CNTNAP3B: variants seen among roughly 807,000 people sequenced by gnomAD.
CNTNAP3B encodes the protein contactin associated protein family member 3B, also known as contactin-associated protein-like 3B.
A neutral mutation model predicts 108.9 loss-of-function variants in CNTNAP3B; 25 were observed. The ratio of observed to expected loss-of-function variants is 0.23; its 90% CI spans 0.17 to 0.32. The LOEUF (loss-of-function observed/expected upper bound fraction) is 0.32, where lower values mean the gene tolerates loss of function less well. Ranked by LOEUF, CNTNAP3B falls within the 10% of genes least tolerant of loss-of-function variation. The pLI is 1.00. For synonymous variants in CNTNAP3B, 103 were observed against 473.4 expected, an observed-to-expected ratio of 0.22 and a Z score of 10.16; for missense variants, 252 against 1,210.4, an observed-to-expected ratio of 0.21 and a Z score of 11.75.
chr9:42,129,179 C>T lies in CNTNAP3B; in HGVS notation c.-85G>A, dbSNP rs1402803051. On this transcript the variant is annotated 5_prime_UTR_variant, in exon 1 of 24. Transcript: ENST00000377561. ...CTGCTCTCACTCCCGCTCTCACTCC[C>T]GTCCCCTGCGCGGCTCCGACGCTGC... The T allele has an allele frequency of 5.4e-6, 8 of 1,476,022 alleles. No individual in the cohort carries two copies. In the African/African-American group the frequency reaches 6.5e-5, roughly 12 times the overall value. 91.4% of individuals were successfully genotyped at this position (1,476,022 alleles called of 1,614,324 possible).
chr9:41,973,775 GA>G (rs1187791261), intron 9 of CNTNAP3B, among the ~76,000 whole-genome samples: 7 of 136,954 alleles, frequency 5.1e-5, no homozygotes, highest in East Asian at 2.2e-4. Flanking sequence ...TCACAGACCA[GA>G]AAAAAAAGAA....
chr9:41,916,491 TG>T (rs1394061051), intron 18 of CNTNAP3B, among the ~76,000 whole-genome samples: 1 of 152,218 alleles, frequency 6.6e-6, no homozygotes, highest in Non-Finnish European at 1.5e-5. Flanking sequence ...GAACGTTCTT[TG>T]TTATTTCCTC....
intron 3 of CNTNAP3B, among the ~76,000 whole-genome samples, chr9:42,037,524 G>A (rs1826657577): frequency 7.8e-6 from 1 of 127,992 alleles, no homozygotes; most frequent in Non-Finnish European, 1.6e-5. Context: ...GGAAGAAAGG[G>A]TATCAGTGAC....
chr9:41,940,769 T>C (rs1824316892), intron 13 of CNTNAP3B, among the ~76,000 whole-genome samples: 1 of 152,044 alleles, frequency 6.6e-6, no homozygotes, highest in Non-Finnish European at 1.5e-5. Context: ...GAGCCGAGAT[T>C]GTGCCACTGC....
intron 14 of CNTNAP3B, among the ~76,000 whole-genome samples, chr9:41,932,359 G>A (rs1256924683): frequency 2.6e-5 from 4 of 151,910 alleles, no homozygotes; most frequent in Non-Finnish European, 5.9e-5. Flanking sequence ...CTACGGTTCT[G>A]GAAATTGTAC....
chr9:42,019,543 G>A (rs1826269891), intron 3 of CNTNAP3B, among the ~76,000 whole-genome samples: 1 of 77,556 alleles, frequency 1.3e-5, no homozygotes, highest in African/African-American at 5.2e-5. Flanking sequence ...CCTGAGGTCA[G>A]GAATTTGAGA....
rs1368020619 is a variant in CNTNAP3B at position 42,125,549 on chromosome 9, T to C, written c.85+3461A>G. Among the ~76,000 whole-genome samples the C allele has an allele frequency of 1.1e-4, 15 of 140,702 alleles. 3 individuals are homozygous for C. Among genetic ancestry groups the C allele is most frequent in the African/African-American group, 3.9e-4 (14 of 35,752 alleles). The allele number at this position is 140,702 out of a possible 152,430, so 92.3% of individuals were successfully genotyped here. A position where few individuals can be genotyped will look rare whatever the true frequency, so the allele number is the denominator to read the frequency against. ...TGCCAAGTAATTTGATTTTTCTTTT[T>C]TCATGATCAAACCAATGTCTTGGAA... On this transcript the variant is annotated intron_variant, in intron 1 of 23. Coordinates refer to ENST00000377561, the MANE Select transcript of CNTNAP3B (RefSeq NM_001201380.3).
chr9:42,061,493 T>C (rs1827178903), intron 3 of CNTNAP3B, among the ~76,000 whole-genome samples: 1 of 129,696 alleles, frequency 7.7e-6, no homozygotes. Flanking sequence ...TTTTGTATTT[T>C]AGAAGAGATG....
chr9:42,111,692 A>G lies in CNTNAP3B; in HGVS notation c.86-6953T>C, dbSNP rs1208310664. On this transcript the variant is annotated intron_variant, in intron 1 of 23. Transcript: ENST00000377561. Reference sequence around the variant, plus strand: ...GTCACCTGAAACTGAAAAATACTCAATAAGTACACTGTCCTGAGCCCCCAC... The same window carrying G: ...GTCACCTGAAACTGAAAAATACTCAGTAAGTACACTGTCCTGAGCCCCCAC... Among the ~76,000 whole-genome samples the G allele has an allele frequency of 4.4e-4, 61 of 138,848 alleles. 14 individuals carry two copies. The highest frequency in any genetic ancestry group is 4.4e-4 in the East Asian group (2 of 4,568). The allele number at this position is 138,848 out of a possible 152,430, so 91.1% of individuals were successfully genotyped here.
At chr9:41,938,915 A>C (rs1824242451) in intron 13 of CNTNAP3B, among the ~76,000 whole-genome samples, 1 of 152,208 alleles carries the variant, frequency 6.6e-6, no homozygotes, top group Admixed American at 6.5e-5. Flanking sequence ...ATTGCATTGG[A>C]TGTCCTGACT....
chr9:41,961,554 A>G (rs527528936), intron 11 of CNTNAP3B, among the ~76,000 whole-genome samples: 1 of 152,306 alleles, frequency 6.6e-6, no homozygotes, highest in Admixed American at 6.5e-5. Context: ...TCCCATAAGC[A>G]TTCTGTAAAG....
chr9:42,043,081 T>C (rs1826797645), intron 3 of CNTNAP3B, among the ~76,000 whole-genome samples: 1 of 147,368 alleles, frequency 6.8e-6, no homozygotes, highest in Non-Finnish European at 1.5e-5. Context: ...CAGTATTTCA[T>C]TGTCATGACA....
chr9:42,122,975 C>T (rs1828495276), intron 1 of CNTNAP3B, among the ~76,000 whole-genome samples: 1 of 116,742 alleles, frequency 8.6e-6, no homozygotes, highest in Non-Finnish European at 1.7e-5. Context: ...GAGAGACACC[C>T]TTCTTTCATA....
intron 18 of CNTNAP3B, among the ~76,000 whole-genome samples, chr9:41,919,101 A>T (rs2117930469): frequency 6.6e-6 from 1 of 152,396 alleles, no homozygotes; most frequent in South Asian, 2.1e-4. Context: ...GTCAGTACAG[A>T]GTACTTAATA....
Position 42,101,825 on chromosome 9 carries a change from G to C in CNTNAP3B, c.196+2804C>G, listed in dbSNP as rs1056145064. The stretch of plus-strand genomic sequence containing the variant: ...TGGTGGCTCACACCTTTGGGAGGCC[G>C]AGGTGGGCATACCACGAGGTCAGGA... On this transcript the variant is annotated intron_variant, in intron 2 of 23. Coordinates refer to ENST00000377561, the MANE Select transcript of CNTNAP3B (RefSeq NM_001201380.3). Among the ~76,000 whole-genome samples the C allele has an allele frequency of 4.0e-5, 5 of 124,634 alleles. 2 individuals are homozygous for C. The highest frequency in any genetic ancestry group is 6.6e-5 in the African/African-American group (2 of 30,322). 81.8% of individuals were successfully genotyped at this position (124,634 alleles called of 152,430 possible). A position where few individuals can be genotyped will look rare whatever the true frequency, so the allele number is the denominator to read the frequency against.
At position 42,094,505 on chromosome 9, in the gene CNTNAP3B, G is replaced by A. The variant is rs1432402163; in HGVS notation, c.196+10124C>T. ...TCCCATCTTTACAAAAAATATAAAT[G>A]TTCGCTGGGTGTTATGACATGTGAC... is the stretch of plus-strand genomic sequence containing the variant. On this transcript the variant is annotated intron_variant, in intron 2 of 23. Transcript: ENST00000377561. 1.5e-5 allele frequency among the ~76,000 whole-genome samples: 2 copies of A among 129,394 alleles called. 1 individual carries two copies. The highest frequency in any genetic ancestry group is 3.2e-5 in the Non-Finnish European group (2 of 61,946). The allele number at this position is 129,394 out of a possible 152,430, so 84.9% of individuals were successfully genotyped here. A position where few individuals can be genotyped will look rare whatever the true frequency, so the allele number is the denominator to read the frequency against.
rs532161460 is a variant in CNTNAP3B at position 42,012,039 on chromosome 9, G to A, written c.538+1339C>T. Reference sequence around the variant, plus strand: ...GCCCACCGGCCCTTCCTGGAATCAGGCACAGGGCTTTGATCTTCCTGGTAC... The same window carrying A: ...GCCCACCGGCCCTTCCTGGAATCAGACACAGGGCTTTGATCTTCCTGGTAC... On this transcript the variant is annotated intron_variant, in intron 4 of 23. Transcript: ENST00000377561. 4.1e-5 allele frequency among the ~76,000 whole-genome samples: 4 copies of A among 98,402 alleles called. No homozygotes were observed. In the South Asian group the frequency reaches 1.2e-3, roughly 29 times the overall value. The allele number at this position is 98,402 out of a possible 152,430, so 64.6% of individuals were successfully genotyped here. A position where few individuals can be genotyped will look rare whatever the true frequency, so the allele number is the denominator to read the frequency against.
chr9:42,038,423 G>T (rs1327690207), intron 3 of CNTNAP3B, among the ~76,000 whole-genome samples: 1 of 95,588 alleles, frequency 1.0e-5, no homozygotes, highest in Non-Finnish European at 2.2e-5. Context: ...CAAAATAAAG[G>T]GATGGAGGAA....
chr9:42,102,056 GATAAATAA>G (rs772930176), intron 2 of CNTNAP3B, among the ~76,000 whole-genome samples: 364 of 34,850 alleles, frequency 0.01, 27 homozygotes, highest in African/African-American at 0.023. Flanking sequence ...ACTCCATCTC[GATAAATAA>G]ATAAATAAAT....
Sources: gnomAD v4.1 joint callset for allele counts (sites outside exome capture counted in the v4.1 genomes callset) on GRCh38, gnomAD v4.1.1 for gene constraint, MANE v1.5 for transcripts, NCBI Gene and HGNC (gene_info 2026-07-23, HGNC 2026-07-21) for gene names.